TTLL11: variants seen among roughly 807,000 people sequenced by gnomAD.
TTLL11 encodes tubulin polyglutamylase TTLL11.
TTLL11 carries 42 observed loss-of-function variants against 51.7 expected under a neutral mutation model. The ratio of observed to expected loss-of-function variants is 0.81; its 90% CI spans 0.64 to 1.05. The LOEUF is 1.05. Among genes scored for constraint, TTLL11 ranks in the 50% least tolerant of loss-of-function variants. The pLI is 0.00. For missense variants in TTLL11, 799 were observed against 940.4 expected (o/e 0.85, Z 1.97); for synonymous variants, 381 against 383.5 (o/e 0.99, Z 0.08).
chr9:121,870,651 G>C lies in TTLL11; in HGVS notation c.1579C>G (p.Leu527Val). The C allele has an allele frequency of 6.4e-7, 1 of 1,551,794 alleles. No homozygotes were observed. The highest frequency in any genetic ancestry group is 8.7e-7 in the Non-Finnish European group (1 of 1,147,020). Residue 527 changes from leucine (L) to valine (V), a missense_variant, in exon 7 of 9, where the codon CTG becomes GTG. Around this residue, in one of 3 missense-constraint regions of TTLL11, gnomAD observed 468 missense variants for 612.8 expected, o/e 0.76. Transcript: ENST00000321582. ...PDCNANPEAHLPSICLKQVFP... is the reference protein window; with the variant it reads ...PDCNANPEAHVPSICLKQVFP... ...ACCTGCTTGAGGCAAATGGAAGGCA[G>C]GTGGGCTTCGGGGTTGGCGTTGCAG... is the stretch of plus-strand genomic sequence containing the variant.
intron 1 of TTLL11, among the ~76,000 whole-genome samples, chr9:122,061,834 C>G (rs1271374096): frequency 6.6e-6 from 1 of 152,108 alleles, no homozygotes. Context: ...GATGGGGTTT[C>G]ACCACATTGG....
At chr9:121,895,058 T>C (rs1233323828) in intron 6 of TTLL11, among the ~76,000 whole-genome samples, 1 of 152,194 alleles carries the variant, frequency 6.6e-6, no homozygotes, top group Non-Finnish European at 1.5e-5. Context: ...CCACGTCCTA[T>C]GCTCGTTTAA....
At chr9:121,901,688 T>C (rs955060422) in intron 6 of TTLL11, among the ~76,000 whole-genome samples, 3 of 152,130 alleles carry the variant, frequency 2.0e-5, no homozygotes, top group Admixed American at 6.5e-5. Context: ...GAATGTGATC[T>C]TTCAGTGGTC....
chr9:121,827,054 T>C lies in TTLL11; in HGVS notation c.1841-4175A>G, dbSNP rs1450808773. 2.0e-5 allele frequency among the ~76,000 whole-genome samples: 3 copies of C among 152,200 alleles called. No homozygotes were observed. The East Asian group carries it at 5.8e-4, about 29-fold the overall frequency. ...CTGCAGGTGCTGGGCAAGGCCCGCG[T>C]GATCCGAGTCCCATGGGTTTGGACC... On this transcript the variant is annotated intron_variant, in intron 8 of 8. Coordinates refer to ENST00000321582, the MANE Select transcript of TTLL11 (RefSeq NM_001139442.2).
intron 3 of TTLL11, among the ~76,000 whole-genome samples, chr9:122,011,721 T>A (rs527625151): frequency 6.6e-6 from 1 of 152,314 alleles, no homozygotes; most frequent in Non-Finnish European, 1.5e-5. Context: ...TGGGGTTGCA[T>A]GGAGGATATG....
At chr9:121,848,062 C>T (rs1433661037) in intron 8 of TTLL11, among the ~76,000 whole-genome samples, 1 of 151,956 alleles carries the variant, frequency 6.6e-6, no homozygotes, top group East Asian at 1.9e-4. Context: ...AATAAATTAG[C>T]CAGGTGTGGG....
Position 121,870,534 on chromosome 9 carries a change from T to C in TTLL11, c.1696A>G (p.Met566Val). Residue 566 changes from methionine (M) to valine (V), a missense_variant, in exon 7 of 9, where the codon ATG becomes GTG. Physicochemically the swap from Met to Val is conservative, Grantham distance 21. Transcript: ENST00000321582. ...FIRFLGIKGT[M>V]KLGPTGFRTF... ...CGAAAGCCTGTTGGCCCCAACTTCATTGTCCCCTTGATGCCCAGGAACCGG... is the reference window on the plus strand; with the variant it reads ...CGAAAGCCTGTTGGCCCCAACTTCACTGTCCCCTTGATGCCCAGGAACCGG... 1.3e-6 allele frequency: 2 copies of C among 1,551,656 alleles called. No homozygotes were observed. The highest frequency in any genetic ancestry group is 8.7e-7 in the Non-Finnish European group (1 of 1,146,976).
intron 8 of TTLL11, among the ~76,000 whole-genome samples, chr9:121,831,041 A>G (rs1315593507): frequency 6.6e-6 from 1 of 152,124 alleles, no homozygotes; most frequent in Non-Finnish European, 1.5e-5. Flanking sequence ...GATACTGGAT[A>G]TGGTCCGAGG....
intron 1 of TTLL11, among the ~76,000 whole-genome samples, chr9:122,065,345 G>T (rs1845553265): frequency 1.3e-5 from 2 of 152,208 alleles, no homozygotes; most frequent in Admixed American, 6.5e-5. Context: ...AGGTCAATCA[G>T]CCAGCCAGTC....
rs1842820854 is a variant in TTLL11 at position 121,981,189 on chromosome 9, CAT to C, written c.1270-6212_1270-6211del. ...CTTCTGCCCTGGGACTTCAATTACA[CAT>C]ATGTTAGACCACCTGATATTGGACC... On this transcript the variant is annotated intron_variant, in intron 4 of 8. Transcript: ENST00000321582. Among the ~76,000 whole-genome samples, 5 of 151,552 alleles carry C rather than the reference CAT, an allele frequency of 3.3e-5. No homozygotes were observed. In the South Asian group the frequency reaches 8.3e-4, roughly 25 times the overall value.
At chr9:122,079,638 G>A (rs1845948540) in intron 1 of TTLL11, among the ~76,000 whole-genome samples, 2 of 152,134 alleles carry the variant, frequency 1.3e-5, no homozygotes, top group East Asian at 1.9e-4. Context: ...GAACCCAGGA[G>A]GTGGAGGTTG....
intron 8 of TTLL11, among the ~76,000 whole-genome samples, chr9:121,846,563 G>T (rs1003131437): frequency 1.3e-5 from 2 of 151,810 alleles, no homozygotes; most frequent in Non-Finnish European, 2.9e-5. Flanking sequence ...ACATTTAAAA[G>T]AATAGAGATC....
intron 6 of TTLL11, among the ~76,000 whole-genome samples, chr9:121,911,758 C>T (rs1840128494): frequency 6.6e-6 from 1 of 152,002 alleles, no homozygotes; most frequent in Admixed American, 6.5e-5. Flanking sequence ...CGGAGGGGAA[C>T]ATCACACACC....
At chr9:121,916,400 C>G (rs1367062120) in intron 6 of TTLL11, among the ~76,000 whole-genome samples, 1 of 152,040 alleles carries the variant, frequency 6.6e-6, no homozygotes, top group African/African-American at 2.4e-5. Flanking sequence ...GGAAGTGAGG[C>G]TGGGGTTGAG....
At chr9:121,892,429 A>T (rs1393607495) in intron 6 of TTLL11, among the ~76,000 whole-genome samples, 2 of 152,056 alleles carry the variant, frequency 1.3e-5, no homozygotes, top group Non-Finnish European at 2.9e-5. Context: ...GTGGCAAGAG[A>T]GAATGAGAGT....
intron 6 of TTLL11, among the ~76,000 whole-genome samples, chr9:121,881,194 A>T (rs534026274): frequency 9.8e-4 from 149 of 152,300 alleles, no homozygotes; most frequent in Admixed American, 9.1e-3. Context: ...GGATCCTTTT[A>T]ATTACATACT....
At chr9:122,060,976 G>C (rs2131870029) in intron 1 of TTLL11, among the ~76,000 whole-genome samples, 1 of 152,238 alleles carries the variant, frequency 6.6e-6, no homozygotes, top group Admixed American at 6.5e-5. Flanking sequence ...CACAGCTCTG[G>C]AGACCCGACA....
chr9:121,969,147 G>A (rs1254204713), intron 6 of TTLL11, among the ~76,000 whole-genome samples: 1 of 152,170 alleles, frequency 6.6e-6, no homozygotes, highest in African/African-American at 2.4e-5. Flanking sequence ...TGGGATTACA[G>A]GTGTGAGCCA....
At chr9:121,876,326 A>G (rs1451400071) in intron 6 of TTLL11, among the ~76,000 whole-genome samples, 1 of 152,258 alleles carries the variant, frequency 6.6e-6, no homozygotes, top group East Asian at 1.9e-4. Context: ...AAGTTGCTTG[A>G]GTTAATTTCC....
Sources: gnomAD v4.1 joint callset for allele counts (sites outside exome capture counted in the v4.1 genomes callset) on GRCh38, gnomAD v4.1.1 for gene constraint, gnomAD v4.1.1 regional missense constraint, MANE v1.5 for transcripts, NCBI Gene and HGNC (gene_info 2026-07-23, HGNC 2026-07-21) for gene names.